TBPL1: variants seen among roughly 807,000 people sequenced by gnomAD.
The protein encoded by TBPL1 is TATA-box binding protein like 1, also known as TATA box-binding protein-like 1.
A neutral mutation model predicts 22.1 loss-of-function variants in TBPL1; 4 were observed. The observed-to-expected ratio is 0.18, with a 90% CI of 0.09 to 0.41. The LOEUF is 0.41. TBPL1 is among the 10% of genes least tolerant of loss of function. TBPL1 has a pLI of 1.00. For missense variants in TBPL1, 115 were observed against 222.3 expected, an observed-to-expected ratio of 0.52 and a Z score of 3.07; for synonymous variants, 64 against 71.0, an observed-to-expected ratio of 0.90 and a Z score of 0.50.
intron 1 of TBPL1, among the ~76,000 whole-genome samples, chr6:133,972,906 A>C (rs1168860746): frequency 1.3e-5 from 2 of 152,186 alleles, no homozygotes; most frequent in Non-Finnish European, 2.9e-5. Context: ...ATTATCACCA[A>C]TTTATAGATG....
rs1776088925 is a variant in TBPL1 at position 133,964,707 on chromosome 6, C to G, written c.-45+11282C>G. Among the ~76,000 whole-genome samples, 11 of 152,248 alleles carry G rather than the reference C, an allele frequency of 7.2e-5. No individual in the cohort carries two copies. The South Asian group carries it at 2.3e-3, about 32-fold the overall frequency. On this transcript the variant is annotated intron_variant, in intron 1 of 6. Coordinates refer to ENST00000237264, the MANE Select transcript of TBPL1 (RefSeq NM_004865.4). ...TCGTGATCCACCCGCCTCAGCTTCCCAAAGTGCTGGGATTACAGGTGTGAG... is the reference window on the plus strand; with the variant it reads ...TCGTGATCCACCCGCCTCAGCTTCCGAAAGTGCTGGGATTACAGGTGTGAG...
chr6:133,953,160 C>G (rs1775863425), upstream of TBPL1: 1 of 152,612 alleles, frequency 6.6e-6, no homozygotes, highest in South Asian at 2.1e-4. Flanking sequence ...CTCTAGCCCT[C>G]GCGCACTGTC....
At chr6:133,963,151 G>A (rs1776053249) in intron 1 of TBPL1, among the ~76,000 whole-genome samples, 1 of 152,186 alleles carries the variant, frequency 6.6e-6, no homozygotes, top group African/African-American at 2.4e-5. Context: ...TGGGAAACAA[G>A]GGATGGTAAA....
rs751182223 is a variant in TBPL1 at position 133,980,278 on chromosome 6, C to A, written c.135+18C>A. On this transcript the variant is annotated intron_variant, in intron 2 of 6. Coordinates refer to ENST00000237264, the MANE Select transcript of TBPL1 (RefSeq NM_004865.4). The stretch of plus-strand genomic sequence containing the variant: ...ATGTTGGAGTAAGTATCTGAGTTTT[C>A]GTATTTGTACTACATAGCCTAATTT... The A allele has an allele frequency of 2.5e-6, 4 of 1,592,190 alleles. No individual in the cohort carries two copies. Among genetic ancestry groups the A allele is most frequent in the Non-Finnish European group, 3.4e-6 (4 of 1,171,944 alleles).
chr6:133,984,546 A>G (rs772547839), intron 5 of TBPL1, 31 bp from the exon 6 acceptor site: 15 of 1,609,878 alleles, frequency 9.3e-6, no homozygotes, highest in Non-Finnish European at 1.3e-5. Flanking sequence ...GGGTATAAAT[A>G]TTTATATTAA....
At chr6:133,983,152 G>A (rs1776445888) in intron 4 of TBPL1, among the ~76,000 whole-genome samples, 1 of 151,990 alleles carries the variant, frequency 6.6e-6, no homozygotes, top group Non-Finnish European at 1.5e-5. Flanking sequence ...TCTTTTTTAA[G>A]TGTTTTCACC....
At chr6:133,976,991 AG>A (rs1776325844) in intron 1 of TBPL1, among the ~76,000 whole-genome samples, 1 of 151,970 alleles carries the variant, frequency 6.6e-6, no homozygotes, top group Admixed American at 6.6e-5. Flanking sequence ...AAGAAAAAAA[AG>A]AAATTGAGAT....
At chr6:133,970,312 G>A (rs997869686) in intron 1 of TBPL1, among the ~76,000 whole-genome samples, 2 of 152,042 alleles carry the variant, frequency 1.3e-5, no homozygotes, top group Non-Finnish European at 2.9e-5. Flanking sequence ...AATATCTTTA[G>A]TATCTTTAAA....
chr6:133,965,119 C>G (rs1336405860), intron 1 of TBPL1, among the ~76,000 whole-genome samples: 1 of 152,144 alleles, frequency 6.6e-6, no homozygotes, highest in Non-Finnish European at 1.5e-5. Flanking sequence ...AACATTTACA[C>G]TTGTAAATGA....
chr6:133,981,711 G>T (rs529777029), intron 2 of TBPL1, among the ~76,000 whole-genome samples: 1 of 152,190 alleles, frequency 6.6e-6, no homozygotes, highest in Non-Finnish European at 1.5e-5. Flanking sequence ...AACACAAAAT[G>T]TAACAAAAAT....
At chr6:133,983,745 C>T (rs1045487010) in intron 4 of TBPL1, among the ~76,000 whole-genome samples, 4 of 152,074 alleles carry the variant, frequency 2.6e-5, no homozygotes, top group African/African-American at 9.7e-5. Context: ...TGAGATGAAA[C>T]GAAGATGTTG....
intron 1 of TBPL1, among the ~76,000 whole-genome samples, chr6:133,973,648 G>A (rs1776262350): frequency 6.6e-6 from 1 of 152,120 alleles, no homozygotes; most frequent in Non-Finnish European, 1.5e-5. Flanking sequence ...ACTAGAAAGA[G>A]GACCAAAAAT....
intron 1 of TBPL1, among the ~76,000 whole-genome samples, chr6:133,962,803 G>A (rs1374089561): frequency 2.0e-5 from 3 of 152,202 alleles, no homozygotes; most frequent in Admixed American, 6.5e-5. Context: ...GTACAGATTA[G>A]TGTGTATACA....
At chr6:133,984,001 G>A (rs972335223) in intron 4 of TBPL1, among the ~76,000 whole-genome samples, 6 of 152,112 alleles carry the variant, frequency 3.9e-5, no homozygotes, top group African/African-American at 1.4e-4. Context: ...TGACTTTAAA[G>A]TGACATCTTT....
intron 1 of TBPL1, among the ~76,000 whole-genome samples, chr6:133,960,919 T>C (rs1397827658): frequency 1.3e-5 from 2 of 152,248 alleles, no homozygotes; most frequent in Non-Finnish European, 2.9e-5. Context: ...TGTGTTTTAA[T>C]TAAAATAATT....
chr6:133,957,998 G>A (rs577301477), intron 1 of TBPL1, among the ~76,000 whole-genome samples: 2 of 152,266 alleles, frequency 1.3e-5, no homozygotes, highest in African/African-American at 4.8e-5. Flanking sequence ...CTGACTATTG[G>A]ACTCATCTCT....
At chr6:133,956,839 C>T (rs938045838) in intron 1 of TBPL1, among the ~76,000 whole-genome samples, 6 of 152,154 alleles carry the variant, frequency 3.9e-5, no homozygotes, top group Non-Finnish European at 7.3e-5. Context: ...TGAGTAGACA[C>T]GATATTTGCT....
chr6:133,963,406 T>G (rs1004075500), intron 1 of TBPL1, among the ~76,000 whole-genome samples: 4 of 152,126 alleles, frequency 2.6e-5, no homozygotes, highest in African/African-American at 9.7e-5. Context: ...TATTATCTTG[T>G]TTCTGTTGTT....
chr6:133,977,013 C>T (rs1318626461), intron 1 of TBPL1, among the ~76,000 whole-genome samples: 1 of 151,088 alleles, frequency 6.6e-6, no homozygotes, highest in East Asian at 1.9e-4. Flanking sequence ...TTGTCTGTTT[C>T]GTTGGACTGT....
Sources: gnomAD v4.1 joint callset for allele counts (sites outside exome capture counted in the v4.1 genomes callset) on GRCh38, gnomAD v4.1.1 for gene constraint, MANE v1.5 for transcripts, NCBI Gene and HGNC (gene_info 2026-07-23, HGNC 2026-07-21) for gene names.